The following ABCC5 variants were observed in gnomAD, a reference collection of about 807,000 sequenced individuals.
ABCC5 encodes the protein ATP binding cassette subfamily C member 5.
In ABCC5, 61 loss-of-function variants were observed where a neutral mutation model predicts 160.9. That is an observed-to-expected ratio of 0.38 (90% confidence interval 0.31 to 0.47). The LOEUF is 0.47. Among genes scored for constraint, ABCC5 ranks in the 20% least tolerant of loss-of-function variants. The pLI is 0.99. For synonymous variants in ABCC5, 666 were observed against 700.6 expected (o/e 0.95, Z 0.78); for missense variants, 1,308 against 1,813.3 (o/e 0.72, Z 5.06).
chr3:183,972,180 C>A, intron 10 of ABCC5: 2 of 648,378 alleles, frequency 3.1e-6, no homozygotes, highest in Non-Finnish European at 5.5e-6. Context: ...AACTGCCTTT[C>A]CCCCTCAGCC....
intron 22 of ABCC5, among the ~76,000 whole-genome samples, chr3:183,948,485 T>C (rs188430239): frequency 1.9e-4 from 28 of 150,950 alleles, no homozygotes; most frequent in African/African-American, 6.5e-4. Context: ...TTGAAAATAA[T>C]TTTTTCTAAA....
At chr3:183,925,423 C>T in intron 29 of ABCC5, 132 bp downstream of exon 29, 1 of 854,964 alleles carries the variant, frequency 1.2e-6, no homozygotes, top group African/African-American at 1.7e-5. Context: ...CTCCCAATAG[C>T]AAGTAAATAG....
intron 25 of ABCC5, 57 bp downstream of exon 25, chr3:183,942,670 A>G (rs1394748983): frequency 1.9e-5 from 30 of 1,576,838 alleles, no homozygotes; most frequent in Non-Finnish European, 2.3e-5. Flanking sequence ...GGTGAAAGTG[A>G]TATTTCATAA....
intron 2 of ABCC5, among the ~76,000 whole-genome samples, chr3:184,009,360 C>A (rs1370905716): frequency 6.6e-6 from 1 of 152,118 alleles, no homozygotes; most frequent in Non-Finnish European, 1.5e-5. Flanking sequence ...TCCTCTCTAA[C>A]AAATATAAAA....
At chr3:183,946,283 G>C (rs1384961614) in intron 23 of ABCC5, among the ~76,000 whole-genome samples, 1 of 152,178 alleles carries the variant, frequency 6.6e-6, no homozygotes, top group Non-Finnish European at 1.5e-5. Context: ...AACAAATGGA[G>C]ATATCAACCT....
In ABCC5 at chr3:183,971,783, G is replaced by A. The variant is rs200866761; in HGVS notation, c.1541C>T (p.Pro514Leu). Residue 514 changes from proline (P) to leucine (L), a missense_variant, in exon 11 of 30, where the codon CCC becomes CTC. This residue lies in a region of ABCC5 where 1,142 missense variants were observed against 1,527.1 expected (regional missense o/e 0.75). Transcript: ENST00000334444. The part of the protein sequence containing the change: ...SSIQNSPKLT[P>L]KMKKDKRASR... The stretch of plus-strand genomic sequence containing the variant: ...AGCCCTCTTGTCTTTTTTCATTTTG[G>A]GGGTCAGCTTGGGCGAGTTCTGGAT... 670 of 1,613,950 alleles carry A rather than the reference G, an allele frequency of 4.2e-4. 6 individuals carry two copies. The South Asian group carries it at 7.0e-3, about 17-fold the overall frequency.
At chr3:183,986,256 G>A (rs1719209033) in intron 5 of ABCC5, 1 of 152,166 alleles carries the variant, frequency 6.6e-6, no homozygotes. Flanking sequence ...TTATGGATGA[G>A]TCCATTACTT....
chr3:184,010,040 C>T, intron 2 of ABCC5: 1 of 398,538 alleles, frequency 2.5e-6, no homozygotes. Context: ...GATGTGGTGG[C>T]TGACGCCTGT....
intron 1 of ABCC5, among the ~76,000 whole-genome samples, chr3:184,016,763 G>T (rs1003378099): frequency 3.3e-5 from 5 of 152,176 alleles, no homozygotes; most frequent in Non-Finnish European, 7.3e-5. Context: ...GTGCCCAATA[G>T]GGTTGAGGCC....
intron 26 of ABCC5, among the ~76,000 whole-genome samples, chr3:183,930,465 A>C (rs78622255): frequency 0.018 from 2,679 of 152,322 alleles, 92 homozygotes; most frequent in African/African-American, 0.061. Flanking sequence ...AAAGACACCT[A>C]AGTACCTAAG....
chr3:184,006,281 G>A (rs1721194988), intron 2 of ABCC5: 2 of 144,054 alleles, frequency 1.4e-5, no homozygotes, highest in Admixed American at 1.4e-4. Context: ...AAGCTTTATG[G>A]ATGCCTACAG....
intron 28 of ABCC5, 80 bp from the exon 29 acceptor site, chr3:183,925,799 T>C: frequency 7.2e-7 from 1 of 1,385,416 alleles, no homozygotes; most frequent in African/African-American, 1.5e-5. Context: ...CTAAAATGTA[T>C]TTCATTTAAG....
chr3:183,981,303 A>T (rs1227231926), intron 8 of ABCC5, among the ~76,000 whole-genome samples: 1 of 152,122 alleles, frequency 6.6e-6, no homozygotes, highest in East Asian at 1.9e-4. Flanking sequence ...CCTGACTCCC[A>T]GTTTACCTCA....
chr3:183,957,846 CCG>C (rs1716311442), intron 17 of ABCC5, among the ~76,000 whole-genome samples: 2 of 137,372 alleles, frequency 1.5e-5, no homozygotes, highest in African/African-American at 2.7e-5. Flanking sequence ...ACATGCGGAT[CCG>C]TGTGTATATC....
chr3:183,952,081 A>C, intron 18 of ABCC5, 78 bp from the exon 19 acceptor site: 25 of 1,512,600 alleles, frequency 1.7e-5, no homozygotes, highest in East Asian at 2.3e-5. Flanking sequence ...TTCTCAGCTC[A>C]AGGGCAGGGC....
In ABCC5 at chr3:183,921,998, G is replaced by A. The variant is rs115506977; in HGVS notation, c.4213-597C>T. On this transcript the variant is annotated intron_variant, in intron 29 of 29. Transcript: ENST00000334444. The surrounding 1 kb of genome is among the most constrained non-coding windows in gnomAD (Gnocchi z 4.1). ...GTGAACTGAGATTGTACCACTGCAT[G>A]CCAGGCTGGGCGACACAACGAGACT... is the stretch of plus-strand genomic sequence containing the variant. 0.012 allele frequency among the ~76,000 whole-genome samples: 1,873 copies of A among 151,404 alleles called. 7 individuals carry two copies. Among genetic ancestry groups the A allele is most frequent in the Non-Finnish European group, 0.02 (1,345 of 67,858 alleles).
intron 2 of ABCC5, among the ~76,000 whole-genome samples, chr3:184,012,772 T>C (rs1721865118): frequency 6.6e-6 from 1 of 152,222 alleles, no homozygotes; most frequent in African/African-American, 2.4e-5. Context: ...CATTTGACAC[T>C]GATTACATTA....
At position 183,987,699 on chromosome 3, in the gene ABCC5, C is replaced by T; in HGVS notation, c.591+71G>A. ...CCAAAGCTGAGCACAACCTCTGCAA[C>T]AGAATAAGAGTGTTAGAGCTGGCCG... On this transcript the variant is annotated intron_variant, in intron 5 of 29. Coordinates refer to ENST00000334444, the MANE Select transcript of ABCC5 (RefSeq NM_005688.4). This position sits in a 1 kb window ranked among gnomAD's most constrained non-coding sequence, Gnocchi z 4.2. 1 of 1,603,338 alleles carries T rather than the reference C, an allele frequency of 6.2e-7. No homozygotes were observed. The highest frequency in any genetic ancestry group is 8.5e-7 in the Non-Finnish European group (1 of 1,173,526).
Position 183,950,089 on chromosome 3 carries a change from A to T in ABCC5, c.2981T>A (p.Ile994Asn). Residue 994 changes from isoleucine (I) to asparagine (N), a missense_variant, in exon 21 of 30, where the codon ATC becomes AAC. By Grantham distance (149) the Ile-to-Asn change is moderately radical. This residue lies in a region of ABCC5 where 1,142 missense variants were observed against 1,527.1 expected (regional missense o/e 0.75). Transcript: ENST00000334444. ...VRLPFQAEMF[I>N]QNVILVFFCV... ...GAAGAACACCAGGATAACGTTCTGGATGAACATCTCGGCCTGGAACGGCAG... is the reference window on the plus strand; with the variant it reads ...GAAGAACACCAGGATAACGTTCTGGTTGAACATCTCGGCCTGGAACGGCAG... 6.2e-7 allele frequency: 1 copy of T among 1,614,178 alleles called. No individual in the cohort carries two copies.
Sources: allele counts gnomAD v4.1 joint callset (sites outside exome capture counted in the v4.1 genomes callset), GRCh38; gene constraint gnomAD v4.1.1; regional missense constraint gnomAD v4.1.1; non-coding constraint Gnocchi (gnomAD v3.1); transcripts MANE v1.5; gene names NCBI Gene and HGNC (gene_info 2026-07-23, HGNC 2026-07-21).